TBL1Y: variants seen among roughly 807,000 people sequenced by gnomAD.
The protein encoded by TBL1Y is transducin beta like 1 Y-linked.
A neutral mutation model predicts 12.0 loss-of-function variants in TBL1Y; 15 were observed. That is an observed-to-expected ratio of 1.25 (90% CI 0.83 to 1.92). The LOEUF (loss-of-function observed/expected upper bound fraction) is 1.92. TBL1Y is among the 40% of genes most tolerant of loss of function. TBL1Y has a pLI of 0.00. For missense variants in TBL1Y, 148 were observed against 116.7 expected (o/e 1.27, Z -1.24); for synonymous variants, 53 against 42.6 (o/e 1.24, Z -0.95).
chrY:7,037,336 C>A, intron 6 of TBL1Y, among the ~76,000 whole-genome samples: 1 of 33,768 alleles, frequency 3.0e-5, no homozygotes, highest in Non-Finnish European at 7.4e-5. Flanking sequence ...TCACCTGAAA[C>A]TTATATCAAA....
chrY:6,989,881 G>A, intron 3 of TBL1Y, among the ~76,000 whole-genome samples: 1 of 33,785 alleles, frequency 3.0e-5, no homozygotes, highest in Non-Finnish European at 7.3e-5. Flanking sequence ...TAACTTTATT[G>A]TTAAGAGAGA....
chrY:6,980,209 G>T, intron 3 of TBL1Y, among the ~76,000 whole-genome samples: 1 of 34,026 alleles, frequency 2.9e-5, no homozygotes, highest in Non-Finnish European at 7.3e-5. Context: ...GGCTCATGTG[G>T]TTTGAAATGG....
At chrY:7,071,176 G>T in intron 10 of TBL1Y, among the ~76,000 whole-genome samples, 1 of 33,873 alleles carries the variant, frequency 3.0e-5, no homozygotes, top group Non-Finnish European at 7.3e-5. Context: ...GAGACAAGAG[G>T]TGCAGTCTAG....
chrY:7,015,569 T>C, intron 4 of TBL1Y, among the ~76,000 whole-genome samples: 1 of 33,590 alleles, frequency 3.0e-5, no homozygotes, highest in Admixed American at 2.7e-4. Flanking sequence ...ACAGGTGATA[T>C]ATATGTGTTA....
intron 3 of TBL1Y, among the ~76,000 whole-genome samples, chrY:6,993,008 GCTGT>G (rs2012377727): frequency 3.0e-5 from 1 of 33,071 alleles, no homozygotes; most frequent in Non-Finnish European, 7.4e-5. Context: ...TCATCCAATT[GCTGT>G]CTTTTTGAGA....
chrY:6,933,838 G>T (rs2011882995), intron 2 of TBL1Y, among the ~76,000 whole-genome samples: 1 of 33,621 alleles, frequency 3.0e-5, no homozygotes. Context: ...GAGTTATCCA[G>T]CTCCAAAAGG....
At chrY:7,059,798 A>G in intron 7 of TBL1Y, among the ~76,000 whole-genome samples, 1 of 33,516 alleles carries the variant, frequency 3.0e-5, no homozygotes, top group Non-Finnish European at 7.4e-5. Context: ...ACACCATTTT[A>G]TATTTGACAG....
chrY:6,933,048 G>GT (rs2011877046), intron 2 of TBL1Y, among the ~76,000 whole-genome samples: 1 of 33,210 alleles, frequency 3.0e-5, no homozygotes, highest in African/African-American at 1.2e-4. Context: ...CTACAGGCAT[G>GT]TGCCATTATG....
At chrY:6,983,785 C>T (rs2012300236) in intron 3 of TBL1Y, among the ~76,000 whole-genome samples, 13 of 32,905 alleles carry the variant, frequency 4.0e-4, no homozygotes, top group African/African-American at 7.2e-4. Context: ...ATTTCACAGC[C>T]GAGGAAACTA....
intron 7 of TBL1Y, 145 bp from the exon 8 acceptor site, chrY:7,063,752 G>A: frequency 5.4e-6 from 1 of 185,763 alleles, no homozygotes; most frequent in East Asian, 1.1e-4. Context: ...CAGGGTCTAT[G>A]CTACTTCCCC....
intron 2 of TBL1Y, among the ~76,000 whole-genome samples, chrY:6,964,536 A>G: frequency 9.0e-5 from 3 of 33,291 alleles, no homozygotes; most frequent in African/African-American, 3.5e-4. Context: ...CTGCATCTAT[A>G]TGGACAACAG....
chrY:7,002,467 A>G, intron 4 of TBL1Y, among the ~76,000 whole-genome samples: 2 of 33,641 alleles, frequency 5.9e-5, no homozygotes, highest in African/African-American at 2.3e-4. Context: ...CCTGAGGGAA[A>G]AGACAGAAGC....
chrY:7,042,843 T>G, intron 6 of TBL1Y, 137 bp from the exon 7 acceptor site: 2 of 372,022 alleles, frequency 5.4e-6, no homozygotes, highest in South Asian at 6.8e-5. Flanking sequence ...GAAGGGCCCC[T>G]GGGCATCCTA....
chrY:7,062,957 T>C (rs2012893770), intron 7 of TBL1Y, among the ~76,000 whole-genome samples: 1 of 34,009 alleles, frequency 2.9e-5, no homozygotes, highest in Non-Finnish European at 7.3e-5. Context: ...TTCCCTGGTC[T>C]GTGCACAGAG....
intron 2 of TBL1Y, among the ~76,000 whole-genome samples, chrY:6,922,904 G>A (rs2011793018): frequency 2.9e-5 from 1 of 34,363 alleles, no homozygotes; most frequent in Admixed American, 2.5e-4. Flanking sequence ...CCCAGAACGC[G>A]CGCAGGCCGA....
At chrY:6,970,506 G>C (rs2012200447) in intron 2 of TBL1Y, among the ~76,000 whole-genome samples, 1 of 32,946 alleles carries the variant, frequency 3.0e-5, no homozygotes, top group African/African-American at 1.2e-4. Context: ...TGGCCAGGCT[G>C]GTATCAAATG....
At chrY:6,929,409 G>A in intron 2 of TBL1Y, among the ~76,000 whole-genome samples, 1 of 33,768 alleles carries the variant, frequency 3.0e-5, no homozygotes, top group Non-Finnish European at 7.4e-5. Flanking sequence ...TACACACCCA[G>A]CTGGGTCACA....
intron 8 of TBL1Y, among the ~76,000 whole-genome samples, chrY:7,065,155 G>C: frequency 3.0e-5 from 1 of 33,181 alleles, no homozygotes; most frequent in Non-Finnish European, 7.4e-5. Flanking sequence ...ACCTTGAATT[G>C]GCTGCATCCC....
Position 7,091,536 on chromosome Y carries a change from C to T in TBL1Y, c.*44C>T. The T allele has an allele frequency of 6.1e-6, 2 of 325,634 alleles. No individual in the cohort carries two copies. The highest frequency in any genetic ancestry group is 8.7e-6 in the Non-Finnish European group (2 of 230,121). The allele number at this position is 325,634 out of a possible 400,897, so 81.2% of individuals were successfully genotyped here. ...GAAAAAAAGAAAAGAATTCTAATGA[C>T]CTGCCTTGAATGCATGGGGTTGCAG... On this transcript the variant is annotated 3_prime_UTR_variant, in exon 19 of 19. Transcript: ENST00000383032.
Sources: allele counts gnomAD v4.1 joint callset (sites outside exome capture counted in the v4.1 genomes callset), GRCh38; gene constraint gnomAD v4.1.1; transcripts MANE v1.5; gene names NCBI Gene and HGNC (gene_info 2026-07-23, HGNC 2026-07-21).